PRDM4: variants seen among roughly 807,000 people sequenced by gnomAD.
PRDM4 encodes the protein PR/SET domain 4.
In PRDM4, 38 loss-of-function variants were observed where a neutral mutation model predicts 62.3. That is an observed-to-expected ratio of 0.61 (90% CI 0.47 to 0.80). The LOEUF (loss-of-function observed/expected upper bound fraction) is 0.80, where lower values mean the gene tolerates loss of function less well. Among genes scored for constraint, PRDM4 ranks in the 30% least tolerant of loss-of-function variants. The pLI, the probability that PRDM4 is intolerant of heterozygous loss-of-function variation, is 0.00. For synonymous variants in PRDM4, 339 were observed against 348.2 expected (o/e 0.97, Z 0.30); for missense variants, 858 against 997.1 (o/e 0.86, Z 1.88).
rs1432147328 is a variant in PRDM4 at position 107,739,483 on chromosome 12, T to C, written c.1993A>G (p.Met665Val). 1 of 1,613,984 alleles carries C rather than the reference T, an allele frequency of 6.2e-7. No individual in the cohort carries two copies. ...FTQKAHLESH[M>V]VIHTGEKNLK... ...TTCTTCTCCCCAGTGTGGATAACCA[T>C]GTGGGACTCCAGGTGAGCCTTCTGG... The change falls in exon 11 of 12, where the codon ATG becomes GTG. Residue 665 changes from methionine (M) to valine (V), a missense_variant. Around this residue, in one of 3 missense-constraint regions of PRDM4, gnomAD observed 355 missense variants for 432.6 expected, o/e 0.82. Transcript: ENST00000228437.
chr12:107,734,631 G>C (rs896656989), intron 11 of PRDM4, 109 bp from the exon 12 acceptor site: 5 of 1,052,468 alleles, frequency 4.8e-6, no homozygotes, highest in South Asian at 3.1e-5. Flanking sequence ...CTATCCTTCT[G>C]AATCAGGCTT....
Position 107,739,566 on chromosome 12 carries a change from A to G in PRDM4, c.1925-15T>C. 1.9e-6 allele frequency: 3 copies of G among 1,610,782 alleles called. No homozygotes were observed. In the African/African-American group the frequency reaches 4.0e-5, roughly 21 times the overall value. ...GTTCTTCTGACCTGCAATCAGCCCA[A>G]AGTATTACACCGTGAAGAAAACAAC... On this transcript the variant is annotated splice_polypyrimidine_tract_variant and intron_variant, in intron 10 of 11. Coordinates refer to ENST00000228437, the MANE Select transcript of PRDM4 (RefSeq NM_012406.4).
intron 10 of PRDM4, among the ~76,000 whole-genome samples, chr12:107,739,869 GA>G (rs5800761): frequency 0.33 from 44,054 of 132,472 alleles, 7,726 homozygotes; most frequent in Middle Eastern, 0.44. Flanking sequence ...CAAACATAAA[GA>G]AAAAAAAAAA....
intron 11 of PRDM4, among the ~76,000 whole-genome samples, chr12:107,737,672 T>C (rs1890378036): frequency 6.6e-6 from 1 of 152,234 alleles, no homozygotes; most frequent in East Asian, 1.9e-4. Context: ...TCAGTAGTCC[T>C]TAACCCTGGC....
intron 9 of PRDM4, among the ~76,000 whole-genome samples, chr12:107,741,498 C>A (rs1428269724): frequency 6.6e-6 from 1 of 151,930 alleles, no homozygotes; most frequent in East Asian, 1.9e-4. Context: ...TCATTTGAGG[C>A]CAGGAGTTTA....
intron 4 of PRDM4, among the ~76,000 whole-genome samples, chr12:107,752,805 A>G (rs1356556162): frequency 6.6e-6 from 1 of 152,194 alleles, no homozygotes; most frequent in African/African-American, 2.4e-5. Flanking sequence ...CTTGCACAAG[A>G]AATTCCACTT....
chr12:107,752,317 C>T (rs910626276), intron 4 of PRDM4, 108 bp from the exon 5 acceptor site: 4 of 794,162 alleles, frequency 5.0e-6, no homozygotes, highest in Admixed American at 5.3e-5. Flanking sequence ...AAATAATCTC[C>T]TGCTTCTTTA....
intron 9 of PRDM4, 100 bp downstream of exon 9, chr12:107,742,121 T>C (rs1890536144): frequency 2.3e-6 from 3 of 1,289,498 alleles, no homozygotes; most frequent in Non-Finnish European, 2.1e-6. Flanking sequence ...CAAAGGTATA[T>C]GATTTGCTTC....
chr12:107,759,958 A>G (rs1372772238), intron 2 of PRDM4: 1 of 152,296 alleles, frequency 6.6e-6, no homozygotes, highest in East Asian at 1.9e-4. Flanking sequence ...ATAATAAACT[A>G]ACTGAAATGC....
chr12:107,750,666 G>T (rs964261758), intron 5 of PRDM4, among the ~76,000 whole-genome samples: 1 of 151,982 alleles, frequency 6.6e-6, no homozygotes, highest in Non-Finnish European at 1.5e-5. Context: ...ACACGCCCAA[G>T]AATAATAATT....
intron 5 of PRDM4, among the ~76,000 whole-genome samples, chr12:107,749,107 C>T (rs1327842759): frequency 6.6e-6 from 1 of 152,118 alleles, no homozygotes; most frequent in Non-Finnish European, 1.5e-5. Context: ...TCTGCTATAT[C>T]TTGATATCCC....
intron 11 of PRDM4, among the ~76,000 whole-genome samples, chr12:107,737,832 G>T (rs1427649307): frequency 1.3e-5 from 2 of 152,080 alleles, no homozygotes; most frequent in Non-Finnish European, 2.9e-5. Context: ...CAGTCTTCTG[G>T]ACAAATATTT....
At chr12:107,737,958 G>A (rs1439547968) in intron 11 of PRDM4, 1 of 152,178 alleles carries the variant, frequency 6.6e-6, no homozygotes, top group African/African-American at 2.4e-5. Context: ...CATGATGTAG[G>A]ATTAGTGTCC....
intron 11 of PRDM4, among the ~76,000 whole-genome samples, chr12:107,738,874 GACAAAC>G (rs1890421506): frequency 1.1e-5 from 1 of 88,382 alleles, no homozygotes; most frequent in African/African-American, 4.5e-5. Flanking sequence ...CTGCAATTCA[GACAAAC>G]ACACACACAC....
At chr12:107,758,238 CTTTTTTTTTTT>C (rs3070881) in intron 2 of PRDM4, 3 of 101,884 alleles carry the variant, frequency 2.9e-5, no homozygotes, top group African/African-American at 1.2e-4. Context: ...TCTTAATCTT[CTTTTTTTTTTT>C]TTTTTTTTTT....
At chr12:107,755,739 T>C (rs892942075) in intron 3 of PRDM4, among the ~76,000 whole-genome samples, 2 of 152,232 alleles carry the variant, frequency 1.3e-5, no homozygotes, top group Non-Finnish European at 2.9e-5. Context: ...ATTCCATTTA[T>C]ATTCTATTTC....
chr12:107,758,957 AAC>A (rs1891144967), intron 2 of PRDM4, among the ~76,000 whole-genome samples: 1 of 152,228 alleles, frequency 6.6e-6, no homozygotes, highest in Admixed American at 6.5e-5. Flanking sequence ...GCATGCTAAT[AAC>A]AGTTTTTATT....
chr12:107,744,870 G>A (rs1566095607), intron 6 of PRDM4, among the ~76,000 whole-genome samples: 1 of 152,056 alleles, frequency 6.6e-6, no homozygotes, highest in Non-Finnish European at 1.5e-5. Flanking sequence ...GATCAGCTTG[G>A]CCAACAGGGT....
rs146604411 is a variant in PRDM4, at chr12:107,737,785, T to C, written c.2093+1598A>G. On this transcript the variant is annotated intron_variant, in intron 11 of 11. Transcript: ENST00000228437. ...CCCATGGATGGGGTCCTAGCACCAA[T>C]TGTTGTTTTTCACATTTTCCAGGCA... Among the ~76,000 whole-genome samples, 57 of 152,248 alleles carry C rather than the reference T, an allele frequency of 3.7e-4. No individual in the cohort carries two copies. The East Asian group carries it at 9.9e-3, about 26-fold the overall frequency.
Sources: gnomAD v4.1 joint callset for allele counts (sites outside exome capture counted in the v4.1 genomes callset) on GRCh38, gnomAD v4.1.1 for gene constraint, gnomAD v4.1.1 regional missense constraint, MANE v1.5 for transcripts, NCBI Gene and HGNC (gene_info 2026-07-23, HGNC 2026-07-21) for gene names.